The following NBEA variants were observed in gnomAD, a reference collection of about 807,000 sequenced individuals.
NBEA encodes the protein lysosomal-trafficking regulator 2.
NBEA carries 44 observed loss-of-function variants against 343.4 expected under a neutral mutation model. The observed-to-expected ratio is 0.13, with a 90% CI of 0.10 to 0.16. The LOEUF is 0.16. Among genes scored for constraint, NBEA ranks in the 10% least tolerant of loss-of-function variants. NBEA has a pLI of 1.00. For synonymous variants in NBEA, 1,175 were observed against 1,238.7 expected (o/e 0.95, Z 1.08); for missense variants, 2,555 against 3,631.3 (o/e 0.70, Z 7.62).
chr13:34,945,141 A>G (rs1217715805), intron 1 of NBEA, among the ~76,000 whole-genome samples: 1 of 152,150 alleles, frequency 6.6e-6, no homozygotes, highest in Non-Finnish European at 1.5e-5. Flanking sequence ...TATATCCCCA[A>G]ATCTACCTAA....
At chr13:35,432,986 C>T (rs1296940546) in intron 39 of NBEA, among the ~76,000 whole-genome samples, 1 of 151,900 alleles carries the variant, frequency 6.6e-6, no homozygotes. Context: ...AATTTAAAAT[C>T]TTGTTATAAG....
chr13:35,447,810 TG>T (rs928432618), intron 39 of NBEA, among the ~76,000 whole-genome samples: 3 of 152,176 alleles, frequency 2.0e-5, no homozygotes, highest in Admixed American at 1.3e-4. Flanking sequence ...CAGTCCAACA[TG>T]TCTTCTGAAG....
rs550764723 is a variant in NBEA, at chr13:35,233,949, A to G, written c.5776+1330A>G. On this transcript the variant is annotated intron_variant, in intron 34 of 58. Coordinates refer to ENST00000379939, the MANE Select transcript of NBEA (RefSeq NM_001385012.1). ...AAGTTACATTTGAGCAAAACCTTAC[A>G]TAATAAGTAATAAAACTTACTTAAT... Among the ~76,000 whole-genome samples, 3 of 152,278 alleles carry G rather than the reference A, an allele frequency of 2.0e-5. No individual in the cohort carries two copies. In the East Asian group the frequency reaches 5.8e-4, roughly 29 times the overall value.
chr13:35,505,289 C>G (rs1870835), intron 41 of NBEA, among the ~76,000 whole-genome samples: 96,756 of 151,968 alleles, frequency 0.64, 30,990 homozygotes, highest in Admixed American at 0.71. Context: ...AAATAGCTAA[C>G]TATTATTTCA....
intron 49 of NBEA, among the ~76,000 whole-genome samples, chr13:35,640,859 C>A (rs1203668609): frequency 1.3e-5 from 2 of 151,598 alleles, no homozygotes; most frequent in African/African-American, 4.8e-5. Flanking sequence ...TACTTCTCTG[C>A]CTATACCTAC....
rs533886361 is a variant in NBEA at position 35,662,018 on chromosome 13, A to C, written c.8363-3067A>C. 3.9e-5 allele frequency among the ~76,000 whole-genome samples: 6 copies of C among 152,298 alleles called. No homozygotes were observed. The East Asian group carries it at 9.7e-4, about 25-fold the overall frequency. Reference sequence around the variant, plus strand: ...GTGTCCCACAAATGAGGTTTAAAATAAGAACCATGAGTTCTTTACTTTGGC... The same window carrying C: ...GTGTCCCACAAATGAGGTTTAAAATCAGAACCATGAGTTCTTTACTTTGGC... On this transcript the variant is annotated intron_variant, in intron 55 of 58. Coordinates refer to ENST00000379939, the MANE Select transcript of NBEA (RefSeq NM_001385012.1).
intron 38 of NBEA, among the ~76,000 whole-genome samples, chr13:35,398,926 T>C (rs2042872268): frequency 6.6e-6 from 1 of 152,152 alleles, no homozygotes; most frequent in Non-Finnish European, 1.5e-5. Context: ...ATTTTCTCCC[T>C]ATATAAGGCT....
chr13:35,330,856 TAGAA>T (rs965489984), intron 36 of NBEA, among the ~76,000 whole-genome samples: 1 of 152,060 alleles, frequency 6.6e-6, no homozygotes, highest in Non-Finnish European at 1.5e-5. Flanking sequence ...TCTACACAAA[TAGAA>T]AGTCTCAAAA....
chr13:35,227,466 C>T (rs1421715648), intron 33 of NBEA, among the ~76,000 whole-genome samples: 1 of 151,972 alleles, frequency 6.6e-6, no homozygotes, highest in Non-Finnish European at 1.5e-5. Context: ...TTACCGATGC[C>T]TACATTTCCT....
chr13:35,173,478 G>T lies in NBEA; in HGVS notation c.4438G>T (p.Val1480Leu). 6.2e-7 allele frequency: 1 copy of T among 1,607,802 alleles called. No individual in the cohort carries two copies. Among genetic ancestry groups the T allele is most frequent in the Non-Finnish European group, 8.5e-7 (1 of 1,176,350 alleles). The change falls in exon 27 of 59, where the codon GTG (valine) becomes TTG (leucine). Residue 1480 changes from valine (V) to leucine (L), a missense_variant. Around this residue, in one of 21 missense-constraint regions of NBEA, gnomAD observed 168 missense variants for 193.0 expected, o/e 0.87. Coordinates refer to ENST00000379939, the MANE Select transcript of NBEA (RefSeq NM_001385012.1). The part of the protein sequence containing the change: ...QCLRLVCCVA[V>L]RNCLECRQRQ... ...TTTTTAAATAGTTTGTTGTGTTGCT[G>T]TGAGAAACTGTTTAGAATGTCGGCA...
intron 49 of NBEA, among the ~76,000 whole-genome samples, chr13:35,634,236 G>A (rs780680045): frequency 3.9e-5 from 6 of 152,034 alleles, no homozygotes; most frequent in Admixed American, 1.3e-4. Context: ...CCAGCTACTC[G>A]GGAGGCTGAG....
At chr13:35,597,493 A>G (rs976653182) in intron 47 of NBEA, among the ~76,000 whole-genome samples, 1 of 152,184 alleles carries the variant, frequency 6.6e-6, no homozygotes, top group Non-Finnish European at 1.5e-5. Context: ...CCTCTGTAGG[A>G]GTACACTTAC....
chr13:35,020,277 C>T lies in NBEA; in HGVS notation c.295-20656C>T, dbSNP rs545707521. On this transcript the variant is annotated intron_variant, in intron 1 of 58. Transcript: ENST00000379939. ...TCTATAGGTTATTTGGAATAAGTTT[C>T]CACATACTTAGGTATTATTATTCTG... Among the ~76,000 whole-genome samples the T allele has an allele frequency of 2.3e-3, 347 of 152,114 alleles. 2 individuals carry two copies. The highest frequency in any genetic ancestry group is 6.8e-3 in the Middle Eastern group (2 of 294).
At position 35,208,745 on chromosome 13, in the gene NBEA, T is replaced by C. The variant is rs200441802; in HGVS notation, c.5412T>C (p.Ala1804=). The part of the protein sequence containing the change: ...PVKKPPPGSL[A]VTTVGATTAG... ...AGAAACCACCTCCAGGTAGTTTAGCTGTAACCACTGTGGGAGCCACTACTG... is the reference window on the plus strand; with the variant it reads ...AGAAACCACCTCCAGGTAGTTTAGCCGTAACCACTGTGGGAGCCACTACTG... The change falls in exon 32 of 59, where the codon GCT becomes GCC. Residue 1804 remains alanine, a synonymous_variant. Transcript: ENST00000379939. 6.2e-7 allele frequency: 1 copy of C among 1,611,476 alleles called. No individual in the cohort carries two copies. The highest frequency in any genetic ancestry group is 8.5e-7 in the Non-Finnish European group (1 of 1,178,412).
chr13:35,137,463 A>G (rs1009066284), intron 17 of NBEA, among the ~76,000 whole-genome samples: 5 of 151,966 alleles, frequency 3.3e-5, no homozygotes, highest in African/African-American at 1.2e-4. Context: ...AAAAAAAAAA[A>G]GCCCTTCATG....
rs753496814 is a variant in NBEA, at chr13:35,159,445, G to T, written c.3274G>T (p.Val1092Phe). Reference sequence around the variant, plus strand: ...TGGAGAGAATGGTGCCCTTGTGGAGGTTGAATCTCTGTTGGATAATGTATA... The same window carrying T: ...TGGAGAGAATGGTGCCCTTGTGGAGTTTGAATCTCTGTTGGATAATGTATA... ...VGGENGALVE[V>F]ESLLDNVYSA... The change falls in exon 22 of 59, where the codon GTT (valine) becomes TTT (phenylalanine). Residue 1092 changes from valine (V) to phenylalanine (F), a missense_variant. Val to Phe is a conservative substitution (Grantham distance 50, BLOSUM62 -1). This residue lies in a region of NBEA where 367 missense variants were observed against 377.5 expected (regional missense o/e 0.97). Transcript: ENST00000379939. 1 of 1,613,340 alleles carries T rather than the reference G, an allele frequency of 6.2e-7. No homozygotes were observed. Among genetic ancestry groups the T allele is most frequent in the Non-Finnish European group, 8.5e-7 (1 of 1,179,622 alleles).
intron 1 of NBEA, among the ~76,000 whole-genome samples, chr13:34,953,136 T>G (rs2059396605): frequency 6.6e-6 from 1 of 152,202 alleles, no homozygotes; most frequent in Admixed American, 6.5e-5. Context: ...TATTTAATCA[T>G]CTTGACCTAT....
In NBEA at chr13:35,330,398, T is replaced by C. The variant is rs112592784; in HGVS notation, c.5904-18710T>C. ...GGCTCTGGACAATCGTGAGGAAAAT[T>C]GAGGACCTTTCACATCCCACGCAGG... On this transcript the variant is annotated intron_variant, in intron 36 of 58. Coordinates refer to ENST00000379939, the MANE Select transcript of NBEA (RefSeq NM_001385012.1). Among the ~76,000 whole-genome samples the C allele has an allele frequency of 6.4e-3, 972 of 152,128 alleles. 9 individuals are homozygous for C. Among genetic ancestry groups the C allele is most frequent in the African/African-American group, 0.022 (934 of 41,528 alleles).
intron 13 of NBEA, among the ~76,000 whole-genome samples, chr13:35,114,115 G>C (rs1334919898): frequency 6.6e-6 from 1 of 152,160 alleles, no homozygotes; most frequent in Non-Finnish European, 1.5e-5. Flanking sequence ...CCAAGATGTG[G>C]ATGTGAGGTG....
Sources: allele counts gnomAD v4.1 joint callset (sites outside exome capture counted in the v4.1 genomes callset), GRCh38; gene constraint gnomAD v4.1.1; regional missense constraint gnomAD v4.1.1; transcripts MANE v1.5; gene names NCBI Gene and HGNC (gene_info 2026-07-23, HGNC 2026-07-21).